DPP6: variants seen among roughly 807,000 people sequenced by gnomAD.
DPP6 encodes the protein A-type potassium channel modulatory protein DPP6.
In DPP6, 69 loss-of-function variants were observed where a neutral mutation model predicts 122.6. The observed-to-expected ratio is 0.56, with a 90% CI of 0.46 to 0.69. The LOEUF (loss-of-function observed/expected upper bound fraction) is 0.69. DPP6 is among the 30% of genes least tolerant of loss of function. The probability of loss-of-function intolerance (pLI) is 0.00; values close to 1 mark genes in which losing one functional copy is unlikely to be tolerated. For missense variants in DPP6, 928 were observed against 1,116.9 expected (o/e 0.83, Z 2.41); for synonymous variants, 418 against 433.1 (o/e 0.97, Z 0.43).
Position 154,034,549 on chromosome 7 carries a change from G to A in DPP6, c.51+146815G>A, listed in dbSNP as rs765674798. Among the ~76,000 whole-genome samples, 8 of 152,096 alleles carry A rather than the reference G, an allele frequency of 5.3e-5. 1 individual carries two copies. Among genetic ancestry groups the A allele is most frequent in the Admixed American group, 3.3e-4 (5 of 15,260 alleles). On this transcript the variant is annotated intron_variant, in intron 1 of 25. Coordinates refer to the DPP6 transcript ENST00000404039. The stretch of plus-strand genomic sequence containing the variant: ...CCTTCCTTTGTGTGTGTGTATGTGC[G>A]TGTATGTTTGAGATCAATGATTTCT...
chr7:154,608,341 A>ATATTTT (rs1468792635), intron 5 of DPP6, among the ~76,000 whole-genome samples: 3 of 123,196 alleles, frequency 2.4e-5, no homozygotes, highest in African/African-American at 8.5e-5. Flanking sequence ...ATATATATAT[A>ATATTTT]TTTTGAGATG....
intron 19 of DPP6, among the ~76,000 whole-genome samples, chr7:154,873,790 G>GCACACATGCATCCACACACACACATGCA (rs1804589468): frequency 6.8e-6 from 1 of 146,384 alleles, no homozygotes; most frequent in African/African-American, 2.5e-5. Flanking sequence ...ACCCACATGT[G>GCACACATGCATCCACACACACACATGCA]CACACATGCA....
At chr7:154,325,041 A>G (rs1024128747) in intron 1 of DPP6, among the ~76,000 whole-genome samples, 4 of 151,230 alleles carry the variant, frequency 2.6e-5, no homozygotes, top group Non-Finnish European at 5.9e-5. Flanking sequence ...ATTTTTTTAT[A>G]TTTTTAGTAG....
chr7:154,858,582 C>G (rs181114601), intron 17 of DPP6: 131 of 152,644 alleles, frequency 8.6e-4, no homozygotes, highest in African/African-American at 3.0e-3. Flanking sequence ...CGAGCCAGCT[C>G]TGGGGTGAGC....
intron 1 of DPP6, among the ~76,000 whole-genome samples, chr7:154,333,587 T>C (rs142243034): frequency 1.1e-4 from 16 of 152,306 alleles, no homozygotes; most frequent in Non-Finnish European, 2.2e-4. Flanking sequence ...GGTTGGTTAA[T>C]CTCCATGGCT....
At chr7:154,651,690 T>C (rs1836885803) in intron 6 of DPP6, among the ~76,000 whole-genome samples, 1 of 152,158 alleles carries the variant, frequency 6.6e-6, no homozygotes, top group Non-Finnish European at 1.5e-5. Flanking sequence ...ACATTACTCA[T>C]TCTCAGCACG....
chr7:154,291,817 A>G (rs1814239552), intron 1 of DPP6, among the ~76,000 whole-genome samples: 1 of 152,242 alleles, frequency 6.6e-6, no homozygotes, highest in South Asian at 2.1e-4. Flanking sequence ...TACTGACCAG[A>G]ATGAACCTAG....
chr7:154,517,598 A>G lies in DPP6; in HGVS notation c.458-22934A>G, dbSNP rs143828540. 4.7e-4 allele frequency among the ~76,000 whole-genome samples: 71 copies of G among 152,202 alleles called. No individual in the cohort carries two copies. The East Asian group carries it at 0.011, about 24-fold the overall frequency. ...AGAGTTACTAATGTTGATCTAGTTG[A>G]CATTGTTTAGTTCCTAGCATAAATA... On this transcript the variant is annotated intron_variant, in intron 3 of 25. Coordinates refer to ENST00000377770, the MANE Select transcript of DPP6 (RefSeq NM_130797.4).
At chr7:153,794,525 G>A in the DPP6 span, among the ~76,000 whole-genome samples, 7 of 152,066 alleles carry the variant, frequency 4.6e-5, 1 homozygote, top group South Asian at 8.3e-4. Flanking sequence ...GATTTTATAG[G>A]CTTACAGGCG....
intron 8 of DPP6, among the ~76,000 whole-genome samples, chr7:154,758,633 A>G (rs1795310254): frequency 6.6e-6 from 1 of 152,118 alleles, no homozygotes; most frequent in Non-Finnish European, 1.5e-5. Context: ...CAGCCTCCCA[A>G]AGTGCTGAGA....
chr7:154,772,851 A>G lies in DPP6; in HGVS notation c.1045A>G (p.Ser349Gly). The change falls in exon 10 of 26, where the codon AGT becomes GGT. Residue 349 changes from serine to glycine, a missense_variant. Coordinates refer to ENST00000377770, the MANE Select transcript of DPP6 (RefSeq NM_130797.4). ...GCCCCTTTTTAATCCCCAGGCTGGA[A>G]GTGAGAACCCCAGCATTTCCCTACA... ...VKPYHYPKAG[S>G]ENPSISLHVI... 1.9e-6 allele frequency: 3 copies of G among 1,612,876 alleles called. No homozygotes were observed. In the South Asian group the frequency reaches 3.3e-5, roughly 18 times the overall value.
At chr7:153,885,626 AT>A (rs1271009009), upstream of DPP6, among the ~76,000 whole-genome samples, 1 of 152,128 alleles carries the variant, frequency 6.6e-6, no homozygotes, top group Non-Finnish European at 1.5e-5. Context: ...TAACCCACGC[AT>A]TTTACACTAT....
Position 154,748,183 on chromosome 7 carries a change from G to A in DPP6, c.883+20296G>A, listed in dbSNP as rs1196197883. On this transcript the variant is annotated intron_variant, in intron 8 of 25. Coordinates refer to ENST00000377770, the MANE Select transcript of DPP6 (RefSeq NM_130797.4). The stretch of plus-strand genomic sequence containing the variant: ...GAGGGGCCACAGAAAAGGGTGATGG[G>A]CATCCTCTCTGCACAGGGCAGAGCT... Among the ~76,000 whole-genome samples the A allele has an allele frequency of 6.6e-5, 10 of 152,194 alleles. 1 individual carries two copies. Among genetic ancestry groups the A allele is most frequent in the Non-Finnish European group, 1.5e-4 (10 of 68,038 alleles).
At chr7:154,557,399 C>A (rs970970364) in intron 4 of DPP6, among the ~76,000 whole-genome samples, 2 of 152,176 alleles carry the variant, frequency 1.3e-5, no homozygotes, top group African/African-American at 4.8e-5. Context: ...TTGCTGGTTT[C>A]TTTTGGTGTT....
chr7:154,503,721 T>C (rs893532888), intron 3 of DPP6, among the ~76,000 whole-genome samples: 1 of 152,210 alleles, frequency 6.6e-6, no homozygotes, highest in Non-Finnish European at 1.5e-5. Flanking sequence ...TGTTTGATTT[T>C]TTGGGGTAAG....
intron 8 of DPP6, among the ~76,000 whole-genome samples, chr7:154,744,049 T>C (rs998042150): frequency 1.3e-5 from 2 of 152,142 alleles, no homozygotes; most frequent in Non-Finnish European, 2.9e-5. Context: ...GCGGCCTTGG[T>C]GCAGAGGTGG....
At chr7:153,918,848 G>A (rs545495325) in intron 1 of DPP6, among the ~76,000 whole-genome samples, 2 of 151,942 alleles carry the variant, frequency 1.3e-5, no homozygotes, top group East Asian at 1.9e-4. Flanking sequence ...GCATGGTGGT[G>A]CATGCCTGTA....
In DPP6 at chr7:154,403,345, A is replaced by C. The variant is rs1199090969; in HGVS notation, c.244-42869A>C. Among the ~76,000 whole-genome samples, 1 of 152,194 alleles carries C rather than the reference A, an allele frequency of 6.6e-6. No homozygotes were observed. Among genetic ancestry groups the C allele is most frequent in the Non-Finnish European group, 1.5e-5 (1 of 68,036 alleles). On this transcript the variant is annotated intron_variant, in intron 1 of 25. Coordinates refer to ENST00000377770, the MANE Select transcript of DPP6 (RefSeq NM_130797.4). This position sits in a 1 kb window ranked among gnomAD's most constrained non-coding sequence, Gnocchi z 4.1. ...ACCGCTGTCCAAATGCCAAGTGGCG[A>C]TTCAGGTACCTTAGGAGGAAAAGGG...
chr7:153,911,645 T>G (rs1800097722), intron 1 of DPP6, among the ~76,000 whole-genome samples: 1 of 152,230 alleles, frequency 6.6e-6, no homozygotes. Flanking sequence ...GTAATCACTG[T>G]GTCAGTGTGG....
Sources: gnomAD v4.1 joint callset for allele counts (sites outside exome capture counted in the v4.1 genomes callset) on GRCh38, gnomAD v4.1.1 for gene constraint, Gnocchi (gnomAD v3.1) non-coding constraint, MANE v1.5 for transcripts, NCBI Gene and HGNC (gene_info 2026-07-23, HGNC 2026-07-21) for gene names.